The following PRIM2 variants were observed in gnomAD, a reference collection of about 807,000 sequenced individuals.
The protein encoded by PRIM2 is DNA primase subunit 2.
A neutral mutation model predicts 67.3 loss-of-function variants in PRIM2; 39 were observed. That is an observed-to-expected ratio of 0.58 (90% CI 0.45 to 0.76). The LOEUF is 0.76. Among genes scored for constraint, PRIM2 ranks in the 30% least tolerant of loss-of-function variants. The pLI, the probability that PRIM2 is intolerant of heterozygous loss-of-function variation, is 0.00. For synonymous variants in PRIM2, 143 were observed against 198.7 expected (o/e 0.72, Z 2.36); for missense variants, 398 against 598.7 (o/e 0.66, Z 3.50).
the PRIM2 span, among the ~76,000 whole-genome samples, chr6:57,227,504 C>T: frequency 1.1e-4 from 17 of 152,060 alleles, no homozygotes; most frequent in South Asian, 1.5e-3. Flanking sequence ...ATTAGCTGGG[C>T]GTTGTGGCGC....
At chr6:57,419,811 T>C (rs1771404144) in intron 7 of PRIM2, among the ~76,000 whole-genome samples, 2 of 152,218 alleles carry the variant, frequency 1.3e-5, no homozygotes, top group Admixed American at 6.5e-5. Context: ...ATGTAAGTGT[T>C]ACTCCCACCA....
intron 7 of PRIM2, among the ~76,000 whole-genome samples, chr6:57,454,811 T>C (rs1323827397): frequency 1.1e-4 from 16 of 152,216 alleles, no homozygotes; most frequent in African/African-American, 3.9e-4. Flanking sequence ...TCTTAATTAT[T>C]TCTTGCCTTC....
intron 8 of PRIM2, among the ~76,000 whole-genome samples, chr6:57,522,926 A>G (rs1774656535): frequency 6.6e-6 from 1 of 152,232 alleles, no homozygotes; most frequent in Admixed American, 6.5e-5. Context: ...ATAGACTATA[A>G]TGATAGACTC....
the PRIM2 span, among the ~76,000 whole-genome samples, chr6:57,298,439 C>T: frequency 3.4e-4 from 52 of 152,106 alleles, no homozygotes; most frequent in African/African-American, 1.2e-3. Flanking sequence ...CAGACTGGTA[C>T]ACTGTGCTGA....
chr6:57,586,301 A>G, intron 10 of PRIM2, among the ~76,000 whole-genome samples: 1 of 152,244 alleles, frequency 6.6e-6, no homozygotes, highest in Middle Eastern at 3.4e-3. Context: ...CAAAGAATAA[A>G]CATTTCGATG....
intron 10 of PRIM2, among the ~76,000 whole-genome samples, chr6:57,581,372 G>A (rs1166454287): frequency 1.3e-5 from 2 of 152,088 alleles, no homozygotes; most frequent in East Asian, 1.9e-4. Context: ...TAGTCTTTTC[G>A]GCTAGAAGTA....
At chr6:57,505,887 C>T (rs1774241781) in intron 7 of PRIM2, among the ~76,000 whole-genome samples, 1 of 151,938 alleles carries the variant, frequency 6.6e-6, no homozygotes, top group African/African-American at 2.4e-5. Context: ...GCTCTGTTTT[C>T]AGAGAACTGA....
chr6:57,543,369 A>G (rs1402662116), intron 10 of PRIM2, among the ~76,000 whole-genome samples: 2 of 152,228 alleles, frequency 1.3e-5, no homozygotes, highest in African/African-American at 4.8e-5. Context: ...ATGTCCTAAC[A>G]GTGTAAGAAA....
chr6:57,604,466 T>G (rs1202656087), intron 11 of PRIM2, among the ~76,000 whole-genome samples: 95 of 152,260 alleles, frequency 6.2e-4, no homozygotes, highest in Non-Finnish European at 7.4e-5. Flanking sequence ...TTCTTTCTTT[T>G]GCCTGATTGC....
intron 7 of PRIM2, among the ~76,000 whole-genome samples, chr6:57,399,811 A>T (rs1446670505): frequency 6.6e-6 from 1 of 151,806 alleles, no homozygotes; most frequent in Non-Finnish European, 1.5e-5. Flanking sequence ...GCATTTTTTC[A>T]TGTGTCTTTT....
chr6:57,470,671 G>A (rs1437008387), intron 7 of PRIM2, among the ~76,000 whole-genome samples: 5 of 151,708 alleles, frequency 3.3e-5, no homozygotes, highest in African/African-American at 1.2e-4. Context: ...ATAATTGTAT[G>A]TAGCCTTTTG....
chr6:57,247,199 C>A, the PRIM2 span, among the ~76,000 whole-genome samples: 56 of 152,312 alleles, frequency 3.7e-4, no homozygotes, highest in African/African-American at 1.3e-3. Context: ...TATCCATCGT[C>A]TTTCCTACGT....
intron 7 of PRIM2, among the ~76,000 whole-genome samples, chr6:57,501,622 T>G (rs1774133698): frequency 6.6e-6 from 1 of 152,162 alleles, no homozygotes; most frequent in African/African-American, 2.4e-5. Context: ...TTTTAAAACT[T>G]TATGTCCTTT....
chr6:57,480,838 G>A (rs1408941479), intron 7 of PRIM2, among the ~76,000 whole-genome samples: 7 of 152,246 alleles, frequency 4.6e-5, no homozygotes, highest in Middle Eastern at 3.4e-3. Context: ...CATGTTGCCA[G>A]GACGGTCTCC....
At chr6:57,360,623 T>G (rs1769164519) in intron 5 of PRIM2, among the ~76,000 whole-genome samples, 1 of 152,188 alleles carries the variant, frequency 6.6e-6, no homozygotes, top group Non-Finnish European at 1.5e-5. Context: ...AATACAAACC[T>G]ATACACAGCT....
At chr6:57,369,829 G>T (rs968797040) in intron 5 of PRIM2, among the ~76,000 whole-genome samples, 9 of 152,136 alleles carry the variant, frequency 5.9e-5, no homozygotes, top group African/African-American at 2.2e-4. Flanking sequence ...TATAGAAACT[G>T]CATTAGTTGC....
the PRIM2 span, among the ~76,000 whole-genome samples, chr6:57,266,204 C>T: frequency 6.6e-6 from 1 of 151,828 alleles, no homozygotes; most frequent in South Asian, 2.1e-4. Flanking sequence ...ACAAAGAAAC[C>T]AAGTCTTTAT....
chr6:57,439,404 G>GTTTTTTTT lies in PRIM2; in HGVS notation c.693+57258_693+57265dup, dbSNP rs149436085. 1.6e-4 allele frequency among the ~76,000 whole-genome samples: 9 copies of GTTTTTTTT among 57,068 alleles called. 3 individuals are homozygous for GTTTTTTTT. Among genetic ancestry groups the GTTTTTTTT allele is most frequent in the Admixed American group, 5.1e-4 (2 of 3,914 alleles). 37.4% of individuals were successfully genotyped at this position (57,068 alleles called of 152,430 possible). A position where few individuals can be genotyped will look rare whatever the true frequency, so the allele number is the denominator to read the frequency against. On this transcript the variant is annotated intron_variant, in intron 7 of 13. Transcript: ENST00000615550. ...CATGAGCTTTGAGTAGAGGTACTCTGTTTTTTTTTTTTTTTTTTTTTTTTT... is the reference window on the plus strand; with the variant it reads ...CATGAGCTTTGAGTAGAGGTACTCTGTTTTTTTTTTTTTTTTTTTTTTTTTTTTTTTTT...
At chr6:57,435,464 C>T (rs1357214321) in intron 7 of PRIM2, among the ~76,000 whole-genome samples, 1 of 152,164 alleles carries the variant, frequency 6.6e-6, no homozygotes, top group Non-Finnish European at 1.5e-5. Context: ...TTACAGTGAT[C>T]AGGCAACAGC....
Sources: allele counts gnomAD v4.1 joint callset (sites outside exome capture counted in the v4.1 genomes callset), GRCh38; gene constraint gnomAD v4.1.1; transcripts MANE v1.5; gene names NCBI Gene and HGNC (gene_info 2026-07-23, HGNC 2026-07-21).